HEATR1: variants seen among roughly 807,000 people sequenced by gnomAD.
HEATR1 encodes HEAT repeat-containing protein 1.
In HEATR1, 77 loss-of-function variants were observed where a neutral mutation model predicts 248.2. That is an observed-to-expected ratio of 0.31 (90% CI 0.26 to 0.37). HEATR1 has a LOEUF of 0.37. Ranked by LOEUF, HEATR1 falls within the 10% of genes least tolerant of loss-of-function variation. HEATR1 has a pLI of 1.00. For missense variants in HEATR1, 2,420 were observed against 2,504.9 expected (o/e 0.97, Z 0.72); for synonymous variants, 897 against 923.1 (o/e 0.97, Z 0.51).
At chr1:236,598,218 T>C (rs532442431) in intron 4 of HEATR1, among the ~76,000 whole-genome samples, 2 of 152,314 alleles carry the variant, frequency 1.3e-5, no homozygotes, top group East Asian at 3.9e-4. Flanking sequence ...GCTTATCGTA[T>C]GTCACATTTT....
chr1:236,581,141 A>C, intron 20 of HEATR1, 81 bp downstream of exon 20: 2 of 1,239,188 alleles, frequency 1.6e-6, no homozygotes, highest in Non-Finnish European at 2.3e-6. Flanking sequence ...TTTAAGTTAT[A>C]ATTTTCCAAA....
chr1:236,559,595 G>A lies in HEATR1; in HGVS notation c.4770+119C>T, dbSNP rs938365515. On this transcript the variant is annotated intron_variant, in intron 34 of 44. Coordinates refer to ENST00000366582, the MANE Select transcript of HEATR1 (RefSeq NM_018072.6). ...AGAGATTGTTTTCTAAGAAAAATCT[G>A]AGCTTCATTATATTCATAAAAGGAA... 4 of 1,231,910 alleles carry A rather than the reference G, an allele frequency of 3.2e-6. No individual in the cohort carries two copies. In the African/African-American group the frequency reaches 4.6e-5, roughly 14 times the overall value. The allele number at this position is 1,231,910 out of a possible 1,614,324, so 76.3% of individuals were successfully genotyped here. A position where few individuals can be genotyped will look rare whatever the true frequency, so the allele number is the denominator to read the frequency against.
At chr1:236,560,611 T>C (rs1214207875) in intron 33 of HEATR1, among the ~76,000 whole-genome samples, 1 of 152,182 alleles carries the variant, frequency 6.6e-6, no homozygotes, top group Non-Finnish European at 1.5e-5. Flanking sequence ...GGGCAGGCAC[T>C]TTCCAGTGGA....
intron 22 of HEATR1, among the ~76,000 whole-genome samples, chr1:236,575,257 A>C (rs997176051): frequency 2.6e-5 from 4 of 152,228 alleles, no homozygotes; most frequent in African/African-American, 9.6e-5. Flanking sequence ...CAATGTTTCC[A>C]ACTTGGTATA....
intron 11 of HEATR1, among the ~76,000 whole-genome samples, chr1:236,591,469 T>G (rs1016903337): frequency 6.6e-6 from 1 of 152,206 alleles, no homozygotes; most frequent in Admixed American, 6.5e-5. Context: ...ACAATCATAT[T>G]TCTCTTCATA....
intron 20 of HEATR1, among the ~76,000 whole-genome samples, chr1:236,578,603 T>C (rs1663629369): frequency 6.6e-6 from 1 of 152,242 alleles, no homozygotes. Flanking sequence ...TTCCCTTTAC[T>C]GAACCAATTT....
At position 236,586,408 on chromosome 1, in the gene HEATR1, T is replaced by G; in HGVS notation, c.1760A>C (p.Glu587Ala). The change falls in exon 15 of 45, where the codon GAG becomes GCG. Residue 587 changes from glutamate (E) to alanine (A), a missense_variant. Transcript: ENST00000366582. ...CAACTGATCATTTTCACTCAGTATC[T>G]CTTCTTTAATTAATATGTCAGCGGC... ...KIAADILIKEEILSENDQLSN... is the reference protein window; with the variant it reads ...KIAADILIKEAILSENDQLSN... The G allele has an allele frequency of 6.2e-7, 1 of 1,613,206 alleles. No homozygotes were observed. The highest frequency in any genetic ancestry group is 8.5e-7 in the Non-Finnish European group (1 of 1,179,346).
chr1:236,586,266 G>A lies in HEATR1; in HGVS notation c.1902C>T (p.His634=). The change falls in exon 15 of 45, where the codon CAC becomes CAT. Residue 634 remains histidine (H), a synonymous_variant. Coordinates refer to ENST00000366582, the MANE Select transcript of HEATR1 (RefSeq NM_018072.6). ...CTTCTTCCCAGCCTCTTAATAGAGG[G>A]TGCAGGGAGCAGATTCCTGATTTTG... ...YLSKSGICSL[H]PLLRGWEEAL... is the part of the protein sequence containing the mutation. 5.0e-6 allele frequency: 8 copies of A among 1,612,256 alleles called. No individual in the cohort carries two copies. Among genetic ancestry groups the A allele is most frequent in the Non-Finnish European group, 6.8e-6 (8 of 1,179,088 alleles).
intron 19 of HEATR1, among the ~76,000 whole-genome samples, chr1:236,582,127 TG>T (rs1663765952): frequency 1.3e-5 from 2 of 152,174 alleles, no homozygotes; most frequent in East Asian, 3.9e-4. Context: ...TTTTTTGAGA[TG>T]GAGTCTCGCT....
At chr1:236,563,181 A>T (rs1663177755) in intron 32 of HEATR1, among the ~76,000 whole-genome samples, 1 of 152,260 alleles carries the variant, frequency 6.6e-6, no homozygotes, top group Admixed American at 6.5e-5. Context: ...TTTCATCATT[A>T]GGTATGATAT....
At chr1:236,578,575 T>A (rs1232287385) in intron 20 of HEATR1, among the ~76,000 whole-genome samples, 1 of 152,218 alleles carries the variant, frequency 6.6e-6, no homozygotes, top group Non-Finnish European at 1.5e-5. Context: ...ACTGATACAG[T>A]CAATTATATT....
At chr1:236,590,238 G>GTTT (rs113697446) in intron 12 of HEATR1, among the ~76,000 whole-genome samples, 59 of 150,988 alleles carry the variant, frequency 3.9e-4, no homozygotes, top group African/African-American at 1.4e-3. Flanking sequence ...AAATTTCTCG[G>GTTT]TTTTTTTTTG....
In HEATR1 at chr1:236,597,958, T is replaced by G; in HGVS notation, c.523A>C (p.Lys175Gln). The G allele has an allele frequency of 6.2e-7, 1 of 1,613,192 alleles. No individual in the cohort carries two copies. Among genetic ancestry groups the G allele is most frequent in the Non-Finnish European group, 8.5e-7 (1 of 1,179,428 alleles). Residue 175 changes from lysine to glutamine, a missense_variant, in exon 5 of 45, where the codon AAA becomes CAA. Lys to Gln is a moderately conservative substitution (Grantham distance 53, BLOSUM62 1). Coordinates refer to ENST00000366582, the MANE Select transcript of HEATR1 (RefSeq NM_018072.6). ...PVKQSGVPLA[K>Q]GTLITHCYKD... The stretch of plus-strand genomic sequence containing the variant: ...TAGCAGTGGGTAATCAAAGTTCCTT[T>G]AGCTAACGGCACTCCAGATTGCTGT...
chr1:236,603,999 G>C lies in HEATR1; in HGVS notation c.97C>G (p.Pro33Ala). Residue 33 changes from proline to alanine, a missense_variant, in exon 2 of 45, where the codon CCT becomes GCT. Physicochemically the swap from Pro to Ala is conservative, Grantham distance 27 (BLOSUM62 -1). Transcript: ENST00000366582. Reference protein sequence around the residue: ...RDEVASLLFDPKEAATIDRDT... With the variant: ...RDEVASLLFDAKEAATIDRDT... ...CTGTCGATTGTGGCCGCTTCCTTAG[G>C]GTCAAATAACAAAGAAGCAACTTCA... The C allele has an allele frequency of 1.9e-6, 3 of 1,599,370 alleles. No homozygotes were observed. Among genetic ancestry groups the C allele is most frequent in the South Asian group, 2.3e-5 (2 of 88,054 alleles).
chr1:236,571,593 A>G lies in HEATR1; in HGVS notation c.3801T>C (p.Ser1267=). Residue 1267 remains serine, a synonymous_variant, in exon 27 of 45, where the codon TCT becomes TCC. Transcript: ENST00000366582. ...CTTTGGGTATTTTGCCACCATCTGG[A>G]GATAGTTTTTGGCAGATGTTGAGCA... is the stretch of plus-strand genomic sequence containing the variant. ...SCLLNICQKL[S]PDGGKIPKDI... The G allele has an allele frequency of 6.2e-7, 1 of 1,614,004 alleles. No homozygotes were observed. The highest frequency in any genetic ancestry group is 8.5e-7 in the Non-Finnish European group (1 of 1,179,868).
chr1:236,562,793 T>C (rs1175677552), intron 32 of HEATR1, among the ~76,000 whole-genome samples: 2 of 152,264 alleles, frequency 1.3e-5, no homozygotes, highest in East Asian at 3.8e-4. Flanking sequence ...TCTGTGTCCC[T>C]TCATATCTTG....
chr1:236,598,130 C>T (rs764632944), intron 4 of HEATR1, 151 bp from the exon 5 acceptor site: 63 of 523,268 alleles, frequency 1.2e-4, no homozygotes, highest in Non-Finnish European at 2.0e-4. Flanking sequence ...ATGAAATTAA[C>T]ACATAAAATC....
At chr1:236,560,637 G>A (rs529494301) in intron 33 of HEATR1, among the ~76,000 whole-genome samples, 4 of 152,338 alleles carry the variant, frequency 2.6e-5, no homozygotes, top group African/African-American at 9.6e-5. Flanking sequence ...CAGGACAGTG[G>A]CCCTGGGAAT....
chr1:236,595,879 A>G lies in HEATR1; in HGVS notation c.910T>C (p.Leu304=). The change falls in exon 7 of 45, where the codon TTG becomes CTG. Residue 304 remains leucine, a synonymous_variant. Coordinates refer to ENST00000366582, the MANE Select transcript of HEATR1 (RefSeq NM_018072.6). The stretch of plus-strand genomic sequence containing the variant: ...TTCTGTCTCTGCAGGAGCACTATCA[A>G]GCAACTTAACCCATCCTTGATCAAA... ...PSLIKDGLSC[L]IVLLQRQKPE... is the part of the protein sequence containing the mutation. The G allele has an allele frequency of 6.2e-7, 1 of 1,614,104 alleles. No homozygotes were observed. Among genetic ancestry groups the G allele is most frequent in the East Asian group, 2.2e-5 (1 of 44,868 alleles).
Sources: allele counts gnomAD v4.1 joint callset (sites outside exome capture counted in the v4.1 genomes callset), GRCh38; gene constraint gnomAD v4.1.1; transcripts MANE v1.5; gene names NCBI Gene and HGNC (gene_info 2026-07-23, HGNC 2026-07-21).